ZC4H2: variants seen among roughly 807,000 people sequenced by gnomAD.
The protein encoded by ZC4H2 is zinc finger C4H2-type containing.
For missense variants in ZC4H2, 137 were observed against 173.9 expected (o/e 0.79, Z 1.19); for synonymous variants, 84 against 66.3 (o/e 1.27, Z -1.30).
intron 1 of ZC4H2, among the ~76,000 whole-genome samples, chrX:64,982,147 A>C (rs1021361769): frequency 8.9e-6 from 1 of 111,816 alleles, no homozygotes; most frequent in African/African-American, 3.2e-5. Flanking sequence ...GCATTTTCTT[A>C]GTAAACTTTC....
At chrX:64,943,850 A>G (rs188851267) in intron 1 of ZC4H2, among the ~76,000 whole-genome samples, 24 of 111,483 alleles carry the variant, frequency 2.2e-4, no homozygotes, top group Non-Finnish European at 4.1e-4. Flanking sequence ...TAATATTGTT[A>G]TGAGTGAATC....
At chrX:65,024,611 A>T (rs887660418) in intron 1 of ZC4H2, among the ~76,000 whole-genome samples, 2 of 111,811 alleles carry the variant, frequency 1.8e-5, no homozygotes. Flanking sequence ...TAATCGCCAC[A>T]CTATTCACAA....
rs777562741 is a variant in ZC4H2, at chrX:64,954,356, T to TTATATATA, written c.53+21961_53+21968dup. Among the ~76,000 whole-genome samples, 27 of 67,356 alleles carry TTATATATA rather than the reference T, an allele frequency of 4.0e-4. 3 individuals are homozygous for TTATATATA. Among genetic ancestry groups the TTATATATA allele is most frequent in the African/African-American group, 3.6e-3 (26 of 7,176 alleles). 58.5% of individuals were successfully genotyped at this position (67,356 alleles called of 115,157 possible). On this transcript the variant is annotated intron_variant, in intron 1 of 4. Coordinates refer to ENST00000374839, the MANE Select transcript of ZC4H2 (RefSeq NM_018684.4). ...TATATATAATTATATATATATATAA[T>TTATATATA]TATATATATATATATAATTATATAT...
chrX:64,953,326 C>G (rs1168838849), intron 1 of ZC4H2, among the ~76,000 whole-genome samples: 2 of 112,034 alleles, frequency 1.8e-5, no homozygotes, highest in Non-Finnish European at 3.8e-5. Context: ...CAAATGGGAT[C>G]TAAGTAAACT....
intron 1 of ZC4H2, among the ~76,000 whole-genome samples, chrX:64,936,423 C>A (rs1358064325): frequency 1.8e-5 from 2 of 111,032 alleles, no homozygotes; most frequent in Non-Finnish European, 3.8e-5. Flanking sequence ...ATACAGAGAA[C>A]ACCTCAAAGA....
At chrX:64,932,127 T>A (rs762972314) in intron 1 of ZC4H2, among the ~76,000 whole-genome samples, 19 of 111,326 alleles carry the variant, frequency 1.7e-4, no homozygotes, top group African/African-American at 3.9e-4. Flanking sequence ...CTTTTTTTTT[T>A]AAACTGTTGT....
chrX:64,944,083 C>T (rs1374690850), intron 1 of ZC4H2, among the ~76,000 whole-genome samples: 3 of 108,428 alleles, frequency 2.8e-5, no homozygotes, highest in Non-Finnish European at 5.7e-5. Context: ...TTCTCCTTTG[C>T]TTGTGAAGCT....
At position 65,026,324 on chromosome X, in the gene ZC4H2, A is replaced by G. The variant is rs996666809; in HGVS notation, c.-272+8305T>C. ...CTACTGTTTTTCAGGCAAAGGGAAA[A>G]GAATAAGCAAAGATGCAGAAGAGCT... On this transcript the variant is annotated intron_variant, in intron 1 of 4. Transcript: ENST00000337990. Among the ~76,000 whole-genome samples, 3 of 112,134 alleles carry G rather than the reference A, an allele frequency of 2.7e-5. No individual in the cohort carries two copies. The Admixed American group carries it at 2.8e-4, about 11-fold the overall frequency.
intron 1 of ZC4H2, among the ~76,000 whole-genome samples, chrX:64,964,167 A>G (rs1398623376): frequency 1.8e-5 from 2 of 111,169 alleles, no homozygotes; most frequent in Admixed American, 9.6e-5. Context: ...AAATTTGTTG[A>G]GGGTAGATCT....
chrX:64,963,564 G>A (rs974633937), intron 1 of ZC4H2, among the ~76,000 whole-genome samples: 1 of 111,154 alleles, frequency 9.0e-6, no homozygotes, highest in Non-Finnish European at 1.9e-5. Flanking sequence ...TAAAATATAA[G>A]AAATCCTACA....
At chrX:64,958,792 G>A (rs1931265919) in intron 1 of ZC4H2, among the ~76,000 whole-genome samples, 1 of 111,525 alleles carries the variant, frequency 9.0e-6, no homozygotes, top group Non-Finnish European at 1.9e-5. Flanking sequence ...AAGGGCTCTT[G>A]TATCTGTGTT....
At chrX:65,010,587 T>G (rs976390457) in intron 1 of ZC4H2, among the ~76,000 whole-genome samples, 4 of 111,971 alleles carry the variant, frequency 3.6e-5, no homozygotes, top group Non-Finnish European at 7.5e-5. Flanking sequence ...GATGAGATAC[T>G]TTGTAAAAGA....
intron 1 of ZC4H2, among the ~76,000 whole-genome samples, chrX:64,975,213 C>A (rs1197392929): frequency 9.1e-6 from 1 of 109,825 alleles, no homozygotes; most frequent in Non-Finnish European, 1.9e-5. Flanking sequence ...GGTCAAAGGG[C>A]CTGGCACACA....
intron 1 of ZC4H2, among the ~76,000 whole-genome samples, chrX:65,027,882 T>A (rs1241399418): frequency 1.8e-5 from 2 of 111,898 alleles, no homozygotes; most frequent in Non-Finnish European, 3.8e-5. Flanking sequence ...TTCCAGAAGA[T>A]GACATTCGTC....
chrX:64,917,932 C>G, intron 4 of ZC4H2, 36 bp from the exon 5 acceptor site: 1 of 1,176,545 alleles, frequency 8.5e-7, no homozygotes, highest in Non-Finnish European at 1.1e-6. Flanking sequence ...AGTTAGTAGT[C>G]AGATTCTTCC....
intron 1 of ZC4H2, among the ~76,000 whole-genome samples, chrX:64,967,040 C>T (rs1360984641): frequency 9.0e-6 from 1 of 111,432 alleles, no homozygotes; most frequent in East Asian, 2.8e-4. Flanking sequence ...TCTAAGCATG[C>T]TCATGTTTTC....
intron 1 of ZC4H2, among the ~76,000 whole-genome samples, chrX:64,947,377 C>A (rs1045641750): frequency 9.0e-6 from 1 of 111,476 alleles, no homozygotes; most frequent in African/African-American, 3.3e-5. Context: ...GGTTCTATAT[C>A]CTTGATGATT....
intron 1 of ZC4H2, among the ~76,000 whole-genome samples, chrX:64,933,558 C>G: frequency 9.0e-6 from 1 of 110,823 alleles, no homozygotes; most frequent in East Asian, 2.8e-4. Flanking sequence ...TCTTAAGGAT[C>G]ATACGCCAAT....
intron 1 of ZC4H2, among the ~76,000 whole-genome samples, chrX:64,924,066 T>G (rs780936418): frequency 8.9e-6 from 1 of 112,037 alleles, no homozygotes; most frequent in East Asian, 2.8e-4. Context: ...AACCTGAACT[T>G]TGCCTGCTCC....
Sources: allele counts gnomAD v4.1 joint callset (sites outside exome capture counted in the v4.1 genomes callset), GRCh38; gene constraint gnomAD v4.1.1; transcripts MANE v1.5; gene names NCBI Gene and HGNC (gene_info 2026-07-23, HGNC 2026-07-21).